The following CDH4 variants were observed in gnomAD, a reference collection of about 807,000 sequenced individuals.
CDH4 encodes cadherin 4.
Under a neutral mutation model 86.0 loss-of-function variants are expected in CDH4, and 33 were observed. The ratio of observed to expected loss-of-function variants is 0.38; its 90% CI spans 0.29 to 0.51. The LOEUF (loss-of-function observed/expected upper bound fraction) is 0.51, where lower values mean the gene tolerates loss of function less well. Ranked by LOEUF, CDH4 falls within the 20% of genes least tolerant of loss-of-function variation. CDH4 has a pLI of 0.86. For synonymous variants in CDH4, 555 were observed against 549.4 expected, an observed-to-expected ratio of 1.01 and a Z score of -0.14; for missense variants, 1,114 against 1,307.4, an observed-to-expected ratio of 0.85 and a Z score of 2.28.
intron 14 of CDH4, 34 bp downstream of exon 14, chr20:61,933,158 G>A (rs370324926): frequency 3.5e-5 from 56 of 1,604,952 alleles, no homozygotes; most frequent in Middle Eastern, 1.8e-4. Context: ...CTCCCCACGC[G>A]AGGCCGGCTC....
At chr20:61,340,657 T>C (rs2084645068) in intron 2 of CDH4, among the ~76,000 whole-genome samples, 1 of 151,802 alleles carries the variant, frequency 6.6e-6, no homozygotes, top group African/African-American at 2.4e-5. Context: ...TGATCACGGC[T>C]CACTGCAGCC....
chr20:61,850,687 C>T (rs777070366), intron 5 of CDH4, among the ~76,000 whole-genome samples: 6 of 152,236 alleles, frequency 3.9e-5, no homozygotes, highest in Admixed American at 1.3e-4. Context: ...CCTGACGCTC[C>T]GATTTGCAGG....
intron 2 of CDH4, among the ~76,000 whole-genome samples, chr20:61,375,941 T>G (rs1210255084): frequency 2.4e-4 from 1 of 4,102 alleles, no homozygotes; most frequent in Non-Finnish European, 5.5e-4. Flanking sequence ...ATGATGGTGG[T>G]GCTGGTGGTG....
At chr20:61,814,099 G>A (rs542668984) in intron 4 of CDH4, among the ~76,000 whole-genome samples, 2 of 152,200 alleles carry the variant, frequency 1.3e-5, no homozygotes, top group African/African-American at 2.4e-5. Context: ...GTGGGGAGGG[G>A]CTCAGTACGG....
chr20:61,295,565 C>T (rs1447444620), intron 2 of CDH4, among the ~76,000 whole-genome samples: 1 of 152,038 alleles, frequency 6.6e-6, no homozygotes, highest in Non-Finnish European at 1.5e-5. Flanking sequence ...TTATCAGTAT[C>T]GAATAACTCC....
chr20:61,455,854 G>A (rs547413024), intron 2 of CDH4, among the ~76,000 whole-genome samples: 47 of 152,280 alleles, frequency 3.1e-4, no homozygotes, highest in African/African-American at 1.1e-3. Flanking sequence ...AAGCATGAAG[G>A]AGCCAAACAT....
At chr20:61,907,699 G>A (rs1043289132) in intron 8 of CDH4, among the ~76,000 whole-genome samples, 2 of 152,062 alleles carry the variant, frequency 1.3e-5, no homozygotes, top group Admixed American at 6.5e-5. Flanking sequence ...CCAGGTCAGC[G>A]TCTCCAGGCC....
intron 2 of CDH4, among the ~76,000 whole-genome samples, chr20:61,361,833 A>T (rs1262746242): frequency 6.6e-6 from 1 of 152,236 alleles, no homozygotes; most frequent in Non-Finnish European, 1.5e-5. Flanking sequence ...AGAAGAGGCC[A>T]GCCCAGCACA....
chr20:61,361,106 G>C (rs1290905057), intron 2 of CDH4, among the ~76,000 whole-genome samples: 1 of 152,162 alleles, frequency 6.6e-6, no homozygotes, highest in Non-Finnish European at 1.5e-5. Flanking sequence ...TGGGAAGGGA[G>C]CGACGTGGAG....
intron 4 of CDH4, among the ~76,000 whole-genome samples, chr20:61,841,080 G>A (rs548325500): frequency 3.0e-4 from 46 of 152,268 alleles, no homozygotes; most frequent in Non-Finnish European, 6.2e-4. Context: ...CCATCCTTCC[G>A]GCTGCTGCAG....
intron 2 of CDH4, among the ~76,000 whole-genome samples, chr20:61,590,624 T>A (rs534471261): frequency 6.6e-6 from 1 of 152,184 alleles, no homozygotes; most frequent in Admixed American, 6.5e-5. Context: ...GCCTGGAACC[T>A]TCCCTCTGCC....
chr20:61,398,245 T>C (rs142130005), intron 2 of CDH4, among the ~76,000 whole-genome samples: 14 of 152,352 alleles, frequency 9.2e-5, no homozygotes, highest in Admixed American at 9.1e-4. Flanking sequence ...ATGGTAGATT[T>C]GCATTCTAGA....
intron 7 of CDH4, among the ~76,000 whole-genome samples, chr20:61,890,937 A>G (rs1228715387): frequency 6.6e-6 from 1 of 152,156 alleles, no homozygotes; most frequent in East Asian, 1.9e-4. Context: ...TCCAGCCTAC[A>G]GCAGATGTGG....
chr20:61,563,510 G>A (rs2086238332), intron 2 of CDH4, among the ~76,000 whole-genome samples: 1 of 152,186 alleles, frequency 6.6e-6, no homozygotes, highest in South Asian at 2.1e-4. Flanking sequence ...TTCACACTCA[G>A]CAGGGGTGTG....
intron 9 of CDH4, among the ~76,000 whole-genome samples, chr20:61,922,814 G>A (rs185131473): frequency 3.2e-4 from 48 of 152,300 alleles, no homozygotes; most frequent in African/African-American, 1.1e-3. Flanking sequence ...AGAGTGCAAT[G>A]GTGTGATCAC....
At chr20:61,256,718 G>A (rs1434098145) in intron 2 of CDH4, among the ~76,000 whole-genome samples, 1 of 152,176 alleles carries the variant, frequency 6.6e-6, no homozygotes, top group Non-Finnish European at 1.5e-5. Context: ...GCCCAGCCCA[G>A]GGCTGGTTCA....
At chr20:61,934,728 CCACCCCACCCCA>C (rs2055159180) in intron 15 of CDH4, among the ~76,000 whole-genome samples, 2 of 148,584 alleles carry the variant, frequency 1.3e-5, no homozygotes, top group South Asian at 4.2e-4. Context: ...CCCCCCCTCC[CCACCCCACCCCA>C]CACCCCAAAC....
At chr20:61,664,335 G>A (rs1215449233) in intron 2 of CDH4, among the ~76,000 whole-genome samples, 3 of 152,210 alleles carry the variant, frequency 2.0e-5, no homozygotes, top group South Asian at 2.1e-4. Context: ...CTAGTTTTAA[G>A]TCAAAAGCAG....
intron 9 of CDH4, among the ~76,000 whole-genome samples, chr20:61,918,898 T>C (rs2054935914): frequency 6.6e-6 from 1 of 152,134 alleles, no homozygotes; most frequent in Admixed American, 6.5e-5. Flanking sequence ...TGAGACGAGG[T>C]CTTACTCTGT....
Sources: gnomAD v4.1 joint callset for allele counts (sites outside exome capture counted in the v4.1 genomes callset) on GRCh38, gnomAD v4.1.1 for gene constraint, MANE v1.5 for transcripts, NCBI Gene and HGNC (gene_info 2026-07-23, HGNC 2026-07-21) for gene names.